The following AXDND1 variants were observed in gnomAD, a reference collection of about 807,000 sequenced individuals.
AXDND1 encodes the protein axonemal dynein light chain domain containing 1, also known as axonemal dynein light chain domain-containing protein 1.
A neutral mutation model predicts 137.5 loss-of-function variants in AXDND1; 110 were observed. That is an observed-to-expected ratio of 0.80 (90% CI 0.69 to 0.94). The LOEUF (loss-of-function observed/expected upper bound fraction) is 0.94. Among genes scored for constraint, AXDND1 ranks in the 40% least tolerant of loss-of-function variants. AXDND1 has a pLI of 0.00. For synonymous variants in AXDND1, 414 were observed against 399.7 expected (o/e 1.04, Z -0.43); for missense variants, 1,191 against 1,169.8 (o/e 1.02, Z -0.26).
At chr1:179,460,181 C>A (rs35515251) in intron 16 of AXDND1, among the ~76,000 whole-genome samples, 34,778 of 151,546 alleles carry the variant, frequency 0.23, 4,316 homozygotes, top group East Asian at 0.35. Context: ...TCCTAATGCT[C>A]TCGCTCCCAC....
intron 24 of AXDND1, 137 bp downstream of exon 24, chr1:179,534,014 T>C: frequency 1.5e-6 from 1 of 661,392 alleles, no homozygotes; most frequent in Non-Finnish European, 2.7e-6. Context: ...TATCTCCACA[T>C]GTTCTGCTAG....
intron 22 of AXDND1, among the ~76,000 whole-genome samples, chr1:179,526,037 A>G (rs1670502674): frequency 6.6e-6 from 1 of 152,002 alleles, no homozygotes; most frequent in South Asian, 2.1e-4. Flanking sequence ...TATTCCTATT[A>G]ACTACACAAT....
intron 21 of AXDND1, among the ~76,000 whole-genome samples, chr1:179,514,037 G>GT (rs1201647235): frequency 6.6e-6 from 1 of 151,660 alleles, no homozygotes; most frequent in African/African-American, 2.4e-5. Context: ...TTTATCTTTT[G>GT]TATTTTTTTT....
chr1:179,417,128 A>G (rs1654828324), intron 12 of AXDND1, among the ~76,000 whole-genome samples: 1 of 148,604 alleles, frequency 6.7e-6, no homozygotes, highest in Non-Finnish European at 1.5e-5. Flanking sequence ...TGCCATTTGT[A>G]TGTCTTCTTT....
At position 179,368,823 on chromosome 1, in the gene AXDND1, A is replaced by G; in HGVS notation, c.121A>G (p.Lys41Glu). 3 of 1,611,978 alleles carry G rather than the reference A, an allele frequency of 1.9e-6. No individual in the cohort carries two copies. The highest frequency in any genetic ancestry group is 2.5e-6 in the Non-Finnish European group (3 of 1,179,312). The part of the protein sequence containing the change: ...TRGLPELKEK[K>E]NMVDRSKLLP... Reference sequence around the variant, plus strand: ...AGGACTTCCTGAGCTAAAGGAGAAAAAAAATATGGTGGATCGTTCAAAACT... The same window carrying G: ...AGGACTTCCTGAGCTAAAGGAGAAAGAAAATATGGTGGATCGTTCAAAACT... The change falls in exon 3 of 26, where the codon AAA (lysine) becomes GAA (glutamate). Residue 41 changes from lysine to glutamate, a missense_variant. Lys to Glu is a moderately conservative substitution (Grantham distance 56, BLOSUM62 1). Coordinates refer to ENST00000367618, the MANE Select transcript of AXDND1 (RefSeq NM_144696.6).
intron 11 of AXDND1, among the ~76,000 whole-genome samples, chr1:179,403,019 A>C (rs1282790510): frequency 6.6e-6 from 1 of 152,210 alleles, no homozygotes; most frequent in Non-Finnish European, 1.5e-5. Flanking sequence ...GGTTAGAGAC[A>C]CTGAAACCCA....
intron 21 of AXDND1, among the ~76,000 whole-genome samples, chr1:179,510,625 A>G (rs982337286): frequency 2.6e-5 from 4 of 152,202 alleles, no homozygotes; most frequent in Admixed American, 1.3e-4. Context: ...AATACCACCG[A>G]CATGATCTTG....
Position 179,488,663 on chromosome 1 carries a change from CT to C in AXDND1, c.2092-2872del, listed in dbSNP as rs1360046418. On this transcript the variant is annotated intron_variant, in intron 18 of 25. Transcript: ENST00000367618. ...TCTTTCTTTCTTTCTTTCTTTCTTT[CT>C]TTCTTTCTTTCTTTCTTTCTTTCTT... is the stretch of plus-strand genomic sequence containing the variant. Among the ~76,000 whole-genome samples, 78 of 127,024 alleles carry C rather than the reference CT, an allele frequency of 6.1e-4. 10 individuals are homozygous for C. The highest frequency in any genetic ancestry group is 2.4e-3 in the African/African-American group (73 of 29,978). The allele number at this position is 127,024 out of a possible 152,430, so 83.3% of individuals were successfully genotyped here.
At chr1:179,446,092 G>T (rs12722736) in intron 16 of AXDND1, among the ~76,000 whole-genome samples, 44,645 of 151,970 alleles carry the variant, frequency 0.29, 6,771 homozygotes, top group Non-Finnish European at 0.31. Flanking sequence ...GATGACTACT[G>T]ATGTCAAGCA....
chr1:179,415,480 T>C (rs1214214942), intron 12 of AXDND1, among the ~76,000 whole-genome samples: 1 of 152,134 alleles, frequency 6.6e-6, no homozygotes, highest in Non-Finnish European at 1.5e-5. Context: ...CATGAGAATT[T>C]TCAAAAAAAT....
At chr1:179,421,874 C>G (rs1655788010) in intron 12 of AXDND1, among the ~76,000 whole-genome samples, 1 of 151,620 alleles carries the variant, frequency 6.6e-6, no homozygotes, top group South Asian at 2.1e-4. Flanking sequence ...TCTGTCTCTA[C>G]TAAAAATACA....
chr1:179,468,360 G>T, intron 16 of AXDND1, 83 bp from the exon 17 acceptor site: 2 of 952,444 alleles, frequency 2.1e-6, no homozygotes, highest in Non-Finnish European at 1.6e-6. Context: ...TAATGCCCTT[G>T]CTCAGTAGGA....
intron 20 of AXDND1, among the ~76,000 whole-genome samples, chr1:179,502,562 T>TAAAAAAAAAAAA (rs35740934): frequency 1.2e-5 from 1 of 81,086 alleles, no homozygotes; most frequent in Non-Finnish European, 2.3e-5. Flanking sequence ...AAACTCTGTC[T>TAAAAAAAAAAAA]AAAAAAAAAA....
chr1:179,415,029 G>A (rs1019567336), intron 12 of AXDND1, among the ~76,000 whole-genome samples: 4 of 152,106 alleles, frequency 2.6e-5, no homozygotes, highest in Admixed American at 6.5e-5. Flanking sequence ...TGGCACAATC[G>A]ATTATTCAAT....
intron 17 of AXDND1, among the ~76,000 whole-genome samples, chr1:179,470,918 TTTC>T (rs891952902): frequency 2.0e-5 from 3 of 152,142 alleles, no homozygotes; most frequent in Admixed American, 1.3e-4. Flanking sequence ...TTTAGGAAGT[TTTC>T]TTCTATTCCT....
At chr1:179,460,178 G>T (rs1558212439) in intron 16 of AXDND1, among the ~76,000 whole-genome samples, 1 of 151,944 alleles carries the variant, frequency 6.6e-6, no homozygotes, top group Non-Finnish European at 1.5e-5. Flanking sequence ...ATCTCCTAAT[G>T]CTCTCGCTCC....
chr1:179,389,678 T>C (rs1649823839), intron 9 of AXDND1, among the ~76,000 whole-genome samples: 1 of 152,222 alleles, frequency 6.6e-6, no homozygotes, highest in African/African-American at 2.4e-5. Flanking sequence ...TTTGTTCTTA[T>C]TGTTTTTCAT....
intron 25 of AXDND1, among the ~76,000 whole-genome samples, chr1:179,535,306 G>A (rs1671433912): frequency 6.6e-6 from 1 of 151,890 alleles, no homozygotes; most frequent in Admixed American, 6.6e-5. Context: ...CATGTGCCAT[G>A]TTGGTGTGCT....
intron 4 of AXDND1, among the ~76,000 whole-genome samples, chr1:179,373,273 T>C (rs111454672): frequency 1.3e-5 from 2 of 152,134 alleles, no homozygotes; most frequent in East Asian, 3.9e-4. Flanking sequence ...TTACAAGGAA[T>C]GTGAAGGACC....
Sources: gnomAD v4.1 joint callset for allele counts (sites outside exome capture counted in the v4.1 genomes callset) on GRCh38, gnomAD v4.1.1 for gene constraint, MANE v1.5 for transcripts, NCBI Gene and HGNC (gene_info 2026-07-23, HGNC 2026-07-21) for gene names.